CALN1: variants seen among roughly 807,000 people sequenced by gnomAD.
The protein encoded by CALN1 is calcium-binding protein 8.
A neutral mutation model predicts 30.6 loss-of-function variants in CALN1; 17 were observed. The observed-to-expected ratio is 0.56, with a 90% CI of 0.38 to 0.83. CALN1 has a LOEUF of 0.83. CALN1 is among the 40% of genes least tolerant of loss of function. The pLI, the probability that CALN1 is intolerant of heterozygous loss-of-function variation, is 0.00. For missense variants in CALN1, 291 were observed against 354.9 expected (o/e 0.82, Z 1.45); for synonymous variants, 156 against 131.4 (o/e 1.19, Z -1.28).
At chr7:71,827,775 A>AAAAAAAAAATAAAT (rs1554347603) in intron 5 of CALN1, among the ~76,000 whole-genome samples, 4 of 140,282 alleles carry the variant, frequency 2.9e-5, no homozygotes, top group African/African-American at 1.1e-4. Context: ...CCATCTTAAA[A>AAAAAAAAAATAAAT]AAATAAATAA....
In CALN1 at chr7:72,144,391, T is replaced by C. The variant is rs200699214; in HGVS notation, c.245-38097A>G. On this transcript the variant is annotated intron_variant, in intron 3 of 6. Transcript: ENST00000395275. ...AGAGACAAAGAAGGCCATTACATAA[T>C]GGTAAAGGGATCAATTCAACAAGAA... Among the ~76,000 whole-genome samples the C allele has an allele frequency of 2.1e-3, 315 of 152,274 alleles. 9 individuals carry two copies. In the East Asian group the frequency reaches 0.057, roughly 27 times the overall value.
At chr7:72,292,577 T>C (rs1798560627) in intron 2 of CALN1, among the ~76,000 whole-genome samples, 1 of 151,306 alleles carries the variant, frequency 6.6e-6, no homozygotes, top group Non-Finnish European at 1.5e-5. Flanking sequence ...TCCCAGCACT[T>C]TGGGAGGCCA....
At chr7:72,408,197 C>A (rs1806835745) in intron 1 of CALN1, among the ~76,000 whole-genome samples, 1 of 151,038 alleles carries the variant, frequency 6.6e-6, no homozygotes, top group Non-Finnish European at 1.5e-5. Flanking sequence ...CTTTGGGAGG[C>A]CAAGGGGGGT....
intron 5 of CALN1, among the ~76,000 whole-genome samples, chr7:71,993,982 A>C (rs779527278): frequency 5.9e-5 from 9 of 152,202 alleles, no homozygotes; most frequent in Non-Finnish European, 1.3e-4. Flanking sequence ...TTGTGACCCC[A>C]AACTCTATAT....
chr7:72,171,753 C>T (rs750600452), intron 3 of CALN1, among the ~76,000 whole-genome samples: 4 of 152,174 alleles, frequency 2.6e-5, no homozygotes, highest in South Asian at 2.1e-4. Flanking sequence ...CCTCATTTTA[C>T]GTATTATTAT....
chr7:71,921,845 A>AC (rs1584515201), intron 5 of CALN1, among the ~76,000 whole-genome samples: 1 of 127,222 alleles, frequency 7.9e-6, no homozygotes, highest in South Asian at 2.8e-4. Context: ...CCGCCATCCT[A>AC]CCCCCTTCCC....
chr7:72,139,690 G>T (rs927327504), intron 3 of CALN1, among the ~76,000 whole-genome samples: 3 of 152,184 alleles, frequency 2.0e-5, no homozygotes, highest in Non-Finnish European at 4.4e-5. Flanking sequence ...AAGCTCCTCA[G>T]CCATGTCCAT....
chr7:72,063,468 T>C (rs888312202), intron 4 of CALN1, among the ~76,000 whole-genome samples: 2 of 152,134 alleles, frequency 1.3e-5, no homozygotes, highest in Non-Finnish European at 2.9e-5. Flanking sequence ...CCATCCTGTA[T>C]CCACAGGGAG....
intron 4 of CALN1, among the ~76,000 whole-genome samples, chr7:72,090,233 C>T (rs979866627): frequency 2.0e-5 from 3 of 152,090 alleles, no homozygotes; most frequent in Non-Finnish European, 4.4e-5. Flanking sequence ...ACCTGGGAGG[C>T]AGAGATTGCA....
At chr7:71,943,218 T>C (rs2129523011) in intron 5 of CALN1, among the ~76,000 whole-genome samples, 1 of 152,336 alleles carries the variant, frequency 6.6e-6, no homozygotes, top group Non-Finnish European at 1.5e-5. Flanking sequence ...GGTTTCACAG[T>C]AGTTGCACAA....
Position 71,782,711 on chromosome 7 carries a change from T to C in CALN1, c.*5064A>G, listed in dbSNP as rs1486858545. 1 of 152,162 alleles carries C rather than the reference T, an allele frequency of 6.6e-6. No homozygotes were observed. 9.4% of individuals were successfully genotyped at this position (152,162 alleles called of 1,614,324 possible). A position where few individuals can be genotyped will look rare whatever the true frequency, so the allele number is the denominator to read the frequency against. Reference sequence around the variant, plus strand: ...TTGCTGTCACTTTAAATAATTTAAATTGAAAAGTCTTAGCTGGTGAATAAT... The same window carrying C: ...TTGCTGTCACTTTAAATAATTTAAACTGAAAAGTCTTAGCTGGTGAATAAT... On this transcript the variant is annotated 3_prime_UTR_variant, in exon 7 of 7. Transcript: ENST00000395275.
rs540023905 is a variant in CALN1 at position 72,293,939 on chromosome 7, A to C, written c.120-15129T>G. Among the ~76,000 whole-genome samples, 3 of 152,204 alleles carry C rather than the reference A, an allele frequency of 2.0e-5. No individual in the cohort carries two copies. In the South Asian group the frequency reaches 6.2e-4, roughly 32 times the overall value. On this transcript the variant is annotated intron_variant, in intron 2 of 6. Transcript: ENST00000395275. The stretch of plus-strand genomic sequence containing the variant: ...TGGTGAAACCCCGCCTCTCCTTAAA[A>C]ATACAAAAATTAGCCAGGCATCATG...
At chr7:72,204,095 C>T (rs1286684706) in intron 3 of CALN1, among the ~76,000 whole-genome samples, 2 of 147,966 alleles carry the variant, frequency 1.4e-5, no homozygotes, top group Admixed American at 6.8e-5. Context: ...GGGTCTACGC[C>T]GTTCTGCCTT....
intron 3 of CALN1, among the ~76,000 whole-genome samples, chr7:72,209,575 T>C (rs1267560936): frequency 6.6e-6 from 1 of 151,442 alleles, no homozygotes; most frequent in Non-Finnish European, 1.5e-5. Context: ...CTCTTTCTCT[T>C]TGCAAACAAT....
At chr7:72,314,803 T>G (rs1164882553) in intron 2 of CALN1, among the ~76,000 whole-genome samples, 1 of 150,328 alleles carries the variant, frequency 6.7e-6, no homozygotes, top group Non-Finnish European at 1.5e-5. Flanking sequence ...ATTCCAAAAC[T>G]TAAATATTTA....
At chr7:71,999,649 G>A (rs1196268814) in intron 5 of CALN1, among the ~76,000 whole-genome samples, 1 of 151,936 alleles carries the variant, frequency 6.6e-6, no homozygotes, top group Non-Finnish European at 1.5e-5. Flanking sequence ...CCAAGTAGCT[G>A]GGATTACAGG....
intron 2 of CALN1, among the ~76,000 whole-genome samples, chr7:72,402,114 C>T (rs577043570): frequency 6.6e-6 from 1 of 152,334 alleles, no homozygotes; most frequent in East Asian, 1.9e-4. Context: ...TCATTTCCAG[C>T]TTTACATTGT....
intron 3 of CALN1, among the ~76,000 whole-genome samples, chr7:72,195,006 C>A (rs923347736): frequency 6.6e-6 from 1 of 152,168 alleles, no homozygotes; most frequent in Non-Finnish European, 1.5e-5. Flanking sequence ...CCTGACCCCT[C>A]CCCTTGTCTC....
At chr7:72,087,161 T>C (rs773235429) in intron 4 of CALN1, among the ~76,000 whole-genome samples, 1 of 152,168 alleles carries the variant, frequency 6.6e-6, no homozygotes, top group Non-Finnish European at 1.5e-5. Context: ...GCGTCTGAAA[T>C]AACAATTACT....
Sources: allele counts gnomAD v4.1 joint callset (sites outside exome capture counted in the v4.1 genomes callset), GRCh38; gene constraint gnomAD v4.1.1; transcripts MANE v1.5; gene names NCBI Gene and HGNC (gene_info 2026-07-23, HGNC 2026-07-21).